UBE2E2: variants seen among roughly 807,000 people sequenced by gnomAD.
The protein encoded by UBE2E2 is ubiquitin-conjugating enzyme E2 E2.
UBE2E2 carries 6 observed loss-of-function variants against 24.7 expected under a neutral mutation model. That is an observed-to-expected ratio of 0.24 (90% CI 0.13 to 0.48). The LOEUF is 0.48. Among genes scored for constraint, UBE2E2 ranks in the 20% least tolerant of loss-of-function variants. UBE2E2 has a pLI of 0.99. For missense variants in UBE2E2, 169 were observed against 245.0 expected (o/e 0.69, Z 2.07); for synonymous variants, 104 against 83.6 (o/e 1.24, Z -1.33).
chr3:23,407,819 A>G lies in UBE2E2; in HGVS notation c.228-91789A>G, dbSNP rs189156824. 1.3e-5 allele frequency among the ~76,000 whole-genome samples: 2 copies of G among 152,220 alleles called. No individual in the cohort carries two copies. The highest frequency in any genetic ancestry group is 2.9e-5 in the Non-Finnish European group (2 of 68,002). The stretch of plus-strand genomic sequence containing the variant: ...TTACCCTTCTGGGAAATAGTTACCA[A>G]TAATATAGGAAATATAAAAAATTCT... On this transcript the variant is annotated intron_variant, in intron 3 of 5. Transcript: ENST00000396703. This position sits in a 1 kb window ranked among gnomAD's most constrained non-coding sequence, Gnocchi z 4.0.
intron 3 of UBE2E2, among the ~76,000 whole-genome samples, chr3:23,481,535 A>C (rs1464601993): frequency 1.3e-5 from 2 of 152,162 alleles, no homozygotes; most frequent in African/African-American, 4.8e-5. Context: ...GTTCAGTCAC[A>C]ATTAAAGCTC....
chr3:23,445,855 A>G (rs1203306433), intron 3 of UBE2E2, among the ~76,000 whole-genome samples: 4 of 152,116 alleles, frequency 2.6e-5, no homozygotes, highest in Non-Finnish European at 5.9e-5. Context: ...GCCCTGTAAC[A>G]TACTAGGATT....
intron 5 of UBE2E2, among the ~76,000 whole-genome samples, chr3:23,536,843 C>T (rs1380784313): frequency 6.6e-6 from 1 of 152,094 alleles, no homozygotes; most frequent in East Asian, 1.9e-4. Flanking sequence ...GTTTGAAATT[C>T]TTCTTAACTT....
chr3:23,523,006 A>AG (rs1694903801), intron 4 of UBE2E2, among the ~76,000 whole-genome samples: 1 of 152,232 alleles, frequency 6.6e-6, no homozygotes, highest in African/African-American at 2.4e-5. Context: ...ACTTAAAAAA[A>AG]CAGAACAAGT....
At chr3:23,428,690 G>C (rs1697985685) in intron 3 of UBE2E2, among the ~76,000 whole-genome samples, 1 of 151,922 alleles carries the variant, frequency 6.6e-6, no homozygotes, top group African/African-American at 2.4e-5. Context: ...AAACAAAAGA[G>C]AGGGCCAGGT....
rs114524569 is a variant in UBE2E2 at position 23,328,483 on chromosome 3, T to C, written c.227+111171T>C. On this transcript the variant is annotated intron_variant, in intron 3 of 5. Transcript: ENST00000396703. The stretch of plus-strand genomic sequence containing the variant: ...CCCAACTGTAGGCTAATGTAAGTAT[T>C]CAAGCATGTTTAAGATAGGCTAGGG... 3.8e-3 allele frequency among the ~76,000 whole-genome samples: 574 copies of C among 152,318 alleles called. 6 individuals are homozygous for C. The highest frequency in any genetic ancestry group is 0.013 in the African/African-American group (548 of 41,570).
At chr3:23,543,446 C>A (rs1317620963) in intron 5 of UBE2E2, among the ~76,000 whole-genome samples, 2 of 151,922 alleles carry the variant, frequency 1.3e-5, no homozygotes, top group Non-Finnish European at 2.9e-5. Context: ...ATCATGAACT[C>A]ATTTCCTCTT....
intron 5 of UBE2E2, among the ~76,000 whole-genome samples, chr3:23,549,603 T>G (rs1195992984): frequency 6.6e-6 from 1 of 152,150 alleles, no homozygotes; most frequent in Non-Finnish European, 1.5e-5. Context: ...TGCAGCATTA[T>G]TGTGAGGAAA....
At chr3:23,346,584 A>G (rs1392532441) in intron 3 of UBE2E2, among the ~76,000 whole-genome samples, 3 of 152,340 alleles carry the variant, frequency 2.0e-5, no homozygotes, top group African/African-American at 7.2e-5. Context: ...AAGACTGTGT[A>G]ATGCATTGCA....
chr3:23,390,971 A>G (rs1696920517), intron 3 of UBE2E2, among the ~76,000 whole-genome samples: 1 of 152,352 alleles, frequency 6.6e-6, no homozygotes, highest in Non-Finnish European at 1.5e-5. Context: ...TTATATCTGT[A>G]TATATAATAA....
intron 3 of UBE2E2, among the ~76,000 whole-genome samples, chr3:23,260,179 GAC>G (rs1290168165): frequency 6.6e-6 from 1 of 152,098 alleles, no homozygotes; most frequent in African/African-American, 2.4e-5. Flanking sequence ...TTTGTTTGAT[GAC>G]ACATTATAAA....
At chr3:23,478,759 G>C (rs888445664) in intron 3 of UBE2E2, among the ~76,000 whole-genome samples, 2 of 152,076 alleles carry the variant, frequency 1.3e-5, no homozygotes, top group African/African-American at 4.8e-5. Context: ...AAAATTAAGA[G>C]GTGAGTCATG....
intron 5 of UBE2E2, among the ~76,000 whole-genome samples, chr3:23,564,281 C>T (rs1330644794): frequency 6.6e-6 from 1 of 152,052 alleles, no homozygotes; most frequent in Non-Finnish European, 1.5e-5. Context: ...ATATACACAG[C>T]ATATTTACAT....
chr3:23,494,526 G>A (rs1699564812), intron 3 of UBE2E2, among the ~76,000 whole-genome samples: 1 of 152,114 alleles, frequency 6.6e-6, no homozygotes, highest in Admixed American at 6.5e-5. Context: ...TAGCCACATG[G>A]CTACCATATT....
At chr3:23,519,896 C>T (rs932573102) in intron 4 of UBE2E2, among the ~76,000 whole-genome samples, 5 of 151,882 alleles carry the variant, frequency 3.3e-5, no homozygotes, top group Non-Finnish European at 7.4e-5. Flanking sequence ...GTTGCCCACG[C>T]AGGTCTCTTA....
intron 5 of UBE2E2, among the ~76,000 whole-genome samples, chr3:23,546,246 G>T (rs1695519255): frequency 6.6e-6 from 1 of 152,084 alleles, no homozygotes; most frequent in South Asian, 2.1e-4. Flanking sequence ...TTCAGTTTAT[G>T]TTTAGAAGAC....
chr3:23,223,329 A>AT (rs1455662091), intron 3 of UBE2E2, among the ~76,000 whole-genome samples: 1 of 151,402 alleles, frequency 6.6e-6, no homozygotes, highest in Non-Finnish European at 1.5e-5. Context: ...AATAACTGGG[A>AT]TTAGAGGCAT....
At chr3:23,417,509 A>C (rs551931449) in intron 3 of UBE2E2, among the ~76,000 whole-genome samples, 34 of 152,186 alleles carry the variant, frequency 2.2e-4, no homozygotes, top group Admixed American at 5.9e-4. Context: ...GGTGTCTCCC[A>C]GTCAGGAGGC....
intron 3 of UBE2E2, among the ~76,000 whole-genome samples, chr3:23,390,625 T>C (rs1696912413): frequency 6.6e-6 from 1 of 152,212 alleles, no homozygotes; most frequent in African/African-American, 2.4e-5. Context: ...AACAGCTGTC[T>C]GCAGATGGCA....
Sources: allele counts gnomAD v4.1 joint callset (sites outside exome capture counted in the v4.1 genomes callset), GRCh38; gene constraint gnomAD v4.1.1; non-coding constraint Gnocchi (gnomAD v3.1); transcripts MANE v1.5; gene names NCBI Gene and HGNC (gene_info 2026-07-23, HGNC 2026-07-21).